Variants in PCDH15 observed in about 807,000 individuals in gnomAD.
The protein encoded by PCDH15 is protocadherin-15.
In PCDH15, 129 loss-of-function variants were observed where a neutral mutation model predicts 178.5. The ratio of observed to expected loss-of-function variants is 0.72; its 90% CI spans 0.63 to 0.84. The LOEUF (loss-of-function observed/expected upper bound fraction) is 0.84, where lower values mean the gene tolerates loss of function less well. Ranked by LOEUF, PCDH15 falls within the 40% of genes least tolerant of loss-of-function variation. PCDH15 has a pLI of 0.00. For synonymous variants in PCDH15, 800 were observed against 732.0 expected, an observed-to-expected ratio of 1.09 and a Z score of -1.50; for missense variants, 2,230 against 2,099.9, an observed-to-expected ratio of 1.06 and a Z score of -1.21.
chr10:55,464,625 AATATATATATATATAT>A (rs201924826), intron 2 of PCDH15, among the ~76,000 whole-genome samples: 2 of 62,990 alleles, frequency 3.2e-5, no homozygotes, highest in African/African-American at 2.6e-4. Flanking sequence ...AATGGGAGTA[AATATATATATATATAT>A]ATATATATAT....
At chr10:54,480,864 C>T (rs1307288783) in intron 3 of PCDH15, among the ~76,000 whole-genome samples, 1 of 151,746 alleles carries the variant, frequency 6.6e-6, no homozygotes, top group Non-Finnish European at 1.5e-5. Flanking sequence ...AAAGTATTTG[C>T]TAAGTATGAT....
intron 8 of PCDH15, among the ~76,000 whole-genome samples, chr10:54,292,233 T>C (rs2133043569): frequency 6.6e-6 from 1 of 152,258 alleles, no homozygotes; most frequent in South Asian, 2.1e-4. Flanking sequence ...CATGATTATC[T>C]CAATAGATGC....
At chr10:54,625,025 C>T (rs867930581) in intron 2 of PCDH15, among the ~76,000 whole-genome samples, 1 of 152,184 alleles carries the variant, frequency 6.6e-6, no homozygotes, top group Non-Finnish European at 1.5e-5. Flanking sequence ...CCCCACCCCA[C>T]TGGGTCCGTA....
At chr10:55,404,967 G>A (rs1838161527) in intron 2 of PCDH15, among the ~76,000 whole-genome samples, 1 of 151,630 alleles carries the variant, frequency 6.6e-6, no homozygotes, top group Non-Finnish European at 1.5e-5. Flanking sequence ...CACCTAATTA[G>A]CTTACAGTTG....
intron 8 of PCDH15, among the ~76,000 whole-genome samples, chr10:54,250,567 G>A (rs1271401910): frequency 6.6e-6 from 1 of 152,086 alleles, no homozygotes; most frequent in Non-Finnish European, 1.5e-5. Flanking sequence ...ACAGGCCTGA[G>A]CCACCGCGCC....
chr10:54,228,808 A>C (rs1564734627), intron 9 of PCDH15, among the ~76,000 whole-genome samples: 1 of 152,130 alleles, frequency 6.6e-6, no homozygotes, highest in Non-Finnish European at 1.5e-5. Flanking sequence ...CTTCTGATTC[A>C]AATATTAGTC....
rs545829123 is a variant in PCDH15 at position 55,501,014 on chromosome 10, TG to T, written c.-156+126610del. Among the ~76,000 whole-genome samples, 28 of 151,912 alleles carry T rather than the reference TG, an allele frequency of 1.8e-4. No homozygotes were observed. In the East Asian group the frequency reaches 4.9e-3, roughly 26 times the overall value. ...TCCTAATCTTTAATACCTGCAGATG[TG>T]ACCTTATTTGAAAACAGGATCTTTG... On this transcript the variant is annotated intron_variant, in intron 2 of 5. Coordinates refer to the PCDH15 transcript ENST00000613346.
chr10:55,377,590 C>T (rs1359032605), intron 2 of PCDH15, among the ~76,000 whole-genome samples: 1 of 151,884 alleles, frequency 6.6e-6, no homozygotes, highest in Non-Finnish European at 1.5e-5. Context: ...AAAAATAATT[C>T]AATAAAATAA....
intron 1 of PCDH15, among the ~76,000 whole-genome samples, chr10:54,777,135 A>C (rs1361183156): frequency 6.6e-6 from 1 of 152,188 alleles, no homozygotes; most frequent in Non-Finnish European, 1.5e-5. Context: ...ATGGGTATTT[A>C]CGATGAGTAA....
At chr10:54,501,212 A>G (rs896894441) in intron 3 of PCDH15, among the ~76,000 whole-genome samples, 3 of 151,572 alleles carry the variant, frequency 2.0e-5, no homozygotes, top group Admixed American at 6.6e-5. Context: ...CTGCACATGT[A>G]TCCCAGAAAT....
intron 2 of PCDH15, among the ~76,000 whole-genome samples, chr10:55,341,792 TATATATATA>T (rs1565032196): frequency 6.7e-3 from 86 of 12,762 alleles, no homozygotes; most frequent in Non-Finnish European, 0.012. Context: ...TATATATATA[TATATATATA>T]TATATTTTTT....
intron 10 of PCDH15, among the ~76,000 whole-genome samples, chr10:54,205,893 T>C (rs536490671): frequency 1.5e-4 from 23 of 152,170 alleles, no homozygotes; most frequent in African/African-American, 5.5e-4. Flanking sequence ...TGCTGTAAAG[T>C]TTGTTTGCAA....
At chr10:55,354,593 T>G (rs971257034) in intron 2 of PCDH15, among the ~76,000 whole-genome samples, 3 of 152,084 alleles carry the variant, frequency 2.0e-5, no homozygotes, top group African/African-American at 7.2e-5. Flanking sequence ...TAAGAATATG[T>G]GTTAAAAATA....
chr10:54,925,065 T>C (rs998107738), intron 2 of PCDH15, among the ~76,000 whole-genome samples: 7 of 152,230 alleles, frequency 4.6e-5, no homozygotes, highest in African/African-American at 1.7e-4. Flanking sequence ...TTCTAGGCTT[T>C]TTTATAGTTT....
chr10:55,529,657 A>G (rs1436500825), intron 2 of PCDH15, among the ~76,000 whole-genome samples: 1 of 148,352 alleles, frequency 6.7e-6, no homozygotes, highest in Admixed American at 6.8e-5. Flanking sequence ...CCTGTTCTTT[A>G]CTAATATTGG....
At chr10:55,615,079 T>A (rs2204247) in intron 2 of PCDH15, among the ~76,000 whole-genome samples, 1 of 152,150 alleles carries the variant, frequency 6.6e-6, no homozygotes, top group Admixed American at 6.5e-5. Context: ...CTTCTGACCA[T>A]GTCCTTTAAA....
chr10:54,057,774 A>G (rs543964295), intron 18 of PCDH15, among the ~76,000 whole-genome samples: 12 of 152,338 alleles, frequency 7.9e-5, no homozygotes, highest in African/African-American at 2.2e-4. Flanking sequence ...CTGCCTCATC[A>G]GGCTGCAAAT....
chr10:55,626,909 AT>A (rs1837541005), intron 2 of PCDH15, among the ~76,000 whole-genome samples: 1 of 152,126 alleles, frequency 6.6e-6, no homozygotes, highest in Admixed American at 6.6e-5. Context: ...TTCTCTCTAA[AT>A]TCACATTATA....
intron 2 of PCDH15, among the ~76,000 whole-genome samples, chr10:55,570,551 A>G (rs1842388992): frequency 6.6e-6 from 1 of 152,022 alleles, no homozygotes; most frequent in Non-Finnish European, 1.5e-5. Flanking sequence ...TTACAGTGTC[A>G]GTCAATGAGA....
Sources: allele counts gnomAD v4.1 joint callset (sites outside exome capture counted in the v4.1 genomes callset), GRCh38; gene constraint gnomAD v4.1.1; transcripts MANE v1.5; gene names NCBI Gene and HGNC (gene_info 2026-07-23, HGNC 2026-07-21).